COL24A1: variants seen among roughly 807,000 people sequenced by gnomAD.
The protein encoded by COL24A1 is collagen type XXIV alpha 1 chain.
Under a neutral mutation model 253.9 loss-of-function variants are expected in COL24A1, and 224 were observed. The observed-to-expected ratio is 0.88, with a 90% CI of 0.79 to 0.99. The LOEUF (loss-of-function observed/expected upper bound fraction) is 0.99, where lower values mean the gene tolerates loss of function less well. COL24A1 is among the 50% of genes least tolerant of loss of function. The pLI is 0.00. For synonymous variants in COL24A1, 685 were observed against 673.7 expected (o/e 1.02, Z -0.26); for missense variants, 2,131 against 2,068.5 (o/e 1.03, Z -0.59).
intron 24 of COL24A1, among the ~76,000 whole-genome samples, chr1:85,937,413 T>C (rs944527369): frequency 6.8e-6 from 1 of 147,612 alleles, no homozygotes; most frequent in African/African-American, 2.5e-5. Context: ...GCCAAGAAGA[T>C]GTGAGAAACA....
intron 55 of COL24A1, among the ~76,000 whole-genome samples, chr1:85,760,155 C>T (rs576705272): frequency 6.6e-6 from 1 of 152,002 alleles, no homozygotes; most frequent in African/African-American, 2.4e-5. Context: ...TCACTGCAAC[C>T]TCTGCCTCCC....
At chr1:85,859,280 A>C (rs967221593) in intron 37 of COL24A1, among the ~76,000 whole-genome samples, 2 of 152,218 alleles carry the variant, frequency 1.3e-5, no homozygotes, top group African/African-American at 4.8e-5. Flanking sequence ...ACAGTAAGGT[A>C]GTCTATTAGG....
At chr1:85,865,003 C>T (rs559515605) in intron 37 of COL24A1, among the ~76,000 whole-genome samples, 32 of 152,146 alleles carry the variant, frequency 2.1e-4, no homozygotes, top group African/African-American at 7.0e-4. Context: ...CATTTTAGCA[C>T]AAGATTCAAG....
chr1:86,011,100 C>T (rs1696446910), intron 19 of COL24A1, among the ~76,000 whole-genome samples: 2 of 152,092 alleles, frequency 1.3e-5, no homozygotes, highest in Admixed American at 6.5e-5. Flanking sequence ...AATAATTTCT[C>T]TAACTTTTCT....
Position 85,816,841 on chromosome 1 carries a change from C to T in COL24A1, c.3898G>A (p.Gly1300Ser), listed in dbSNP as rs1673088783. 1.9e-6 allele frequency: 3 copies of T among 1,613,900 alleles called. No homozygotes were observed. Among genetic ancestry groups the T allele is most frequent in the African/African-American group, 1.3e-5 (1 of 74,930 alleles). ...ATTTTTCCAGGGTTTCCTGAAATGCCATCTGCTCCATGGTATCCTTGTATG... is the reference window on the plus strand; with the variant it reads ...ATTTTTCCAGGGTTTCCTGAAATGCTATCTGCTCCATGGTATCCTTGTATG... Reference protein sequence around the residue: ...KGIQGYHGADGISGNPGKIGP... With the variant: ...KGIQGYHGADSISGNPGKIGP... The change falls in exon 47 of 60, where the codon GGC (glycine) becomes AGC (serine). Residue 1300 changes from glycine (G) to serine (S), a missense_variant. Gly to Ser is a moderately conservative substitution (Grantham distance 56, BLOSUM62 0). Coordinates refer to ENST00000370571, the MANE Select transcript of COL24A1 (RefSeq NM_152890.7).
intron 19 of COL24A1, among the ~76,000 whole-genome samples, chr1:85,998,540 T>A (rs1695083622): frequency 1.3e-5 from 2 of 152,152 alleles, no homozygotes; most frequent in East Asian, 1.9e-4. Flanking sequence ...TTTTTGTACC[T>A]CCAATATTTA....
At chr1:85,961,212 C>T (rs369759419) in intron 24 of COL24A1, 37 bp downstream of exon 24, 27 of 1,456,774 alleles carry the variant, frequency 1.9e-5, no homozygotes, top group Non-Finnish European at 2.3e-5. Context: ...AAAATGCTTA[C>T]AGCTGATTAA....
intron 23 of COL24A1, 70 bp downstream of exon 23, chr1:85,964,939 G>T (rs1448576175): frequency 7.4e-7 from 1 of 1,354,918 alleles, no homozygotes; most frequent in East Asian, 2.4e-5. Flanking sequence ...TTTCACATTT[G>T]TATGAAAGTC....
chr1:85,742,030 T>C (rs1198290528), intron 57 of COL24A1, among the ~76,000 whole-genome samples: 2 of 152,188 alleles, frequency 1.3e-5, no homozygotes, highest in Non-Finnish European at 2.9e-5. Flanking sequence ...GCCTCTTATC[T>C]CAGTGATAGC....
intron 24 of COL24A1, among the ~76,000 whole-genome samples, chr1:85,927,990 A>AGC (rs1687499841): frequency 1.5e-5 from 1 of 66,132 alleles, no homozygotes; most frequent in Non-Finnish European, 2.8e-5. Context: ...GAAAAAACAG[A>AGC]ACAGAAAAAC....
Position 85,824,859 on chromosome 1 carries a change from G to C in COL24A1, c.3682-1121C>G, listed in dbSNP as rs570190686. ...AAGAGTTATCAGTCCCATCTCCTGG[G>C]CTAGAAGAAGAGATTGCATACATAG... On this transcript the variant is annotated intron_variant, in intron 43 of 59. Coordinates refer to ENST00000370571, the MANE Select transcript of COL24A1 (RefSeq NM_152890.7). Among the ~76,000 whole-genome samples the C allele has an allele frequency of 2.0e-3, 301 of 151,894 alleles. 1 individual carries two copies. The highest frequency in any genetic ancestry group is 6.8e-3 in the African/African-American group (283 of 41,416).
chr1:85,755,858 C>A (rs1298507718), intron 55 of COL24A1, among the ~76,000 whole-genome samples: 2 of 147,732 alleles, frequency 1.4e-5, no homozygotes, highest in Non-Finnish European at 3.0e-5. Context: ...GGAATGATAC[C>A]AAGAGCACAG....
At chr1:85,761,358 A>G in intron 55 of COL24A1, 38 bp downstream of exon 55, 1 of 1,610,508 alleles carries the variant, frequency 6.2e-7, no homozygotes, top group Non-Finnish European at 8.5e-7. Flanking sequence ...ATGACATACT[A>G]AGATAAAACA....
At chr1:86,109,682 T>C (rs1212187827) in intron 5 of COL24A1, among the ~76,000 whole-genome samples, 1 of 152,200 alleles carries the variant, frequency 6.6e-6, no homozygotes, top group Non-Finnish European at 1.5e-5. Context: ...CCCTCAAAGA[T>C]TCATGAAGTT....
chr1:85,923,087 T>C (rs1013797264), intron 24 of COL24A1, among the ~76,000 whole-genome samples: 1 of 152,084 alleles, frequency 6.6e-6, no homozygotes, highest in Non-Finnish European at 1.5e-5. Flanking sequence ...CATTACATAA[T>C]GGTAAAGGGA....
At chr1:86,019,066 A>T (rs1697250748) in intron 18 of COL24A1, among the ~76,000 whole-genome samples, 1 of 152,224 alleles carries the variant, frequency 6.6e-6, no homozygotes. Flanking sequence ...AAAATAGGGA[A>T]GACATCCTTA....
chr1:85,880,428 T>C (rs1269788031), intron 32 of COL24A1, among the ~76,000 whole-genome samples: 3 of 152,188 alleles, frequency 2.0e-5, no homozygotes, highest in Non-Finnish European at 4.4e-5. Flanking sequence ...AATCAGTTCT[T>C]GAAGATTTTT....
intron 52 of COL24A1, among the ~76,000 whole-genome samples, chr1:85,779,647 A>G (rs1668955334): frequency 6.6e-6 from 1 of 152,098 alleles, no homozygotes; most frequent in African/African-American, 2.4e-5. Flanking sequence ...TTGCAGCCAA[A>G]CCTTCCTCAA....
At chr1:86,067,532 G>T (rs75423695) in intron 7 of COL24A1, among the ~76,000 whole-genome samples, 3,099 of 152,230 alleles carry the variant, frequency 0.02, 38 homozygotes, top group Middle Eastern at 0.068. Flanking sequence ...AGACTTGGAT[G>T]AATTTAAGAA....
Sources: gnomAD v4.1 joint callset for allele counts (sites outside exome capture counted in the v4.1 genomes callset) on GRCh38, gnomAD v4.1.1 for gene constraint, MANE v1.5 for transcripts, NCBI Gene and HGNC (gene_info 2026-07-23, HGNC 2026-07-21) for gene names.